The following FRY variants were observed in gnomAD, a reference collection of about 807,000 sequenced individuals.
The protein encoded by FRY is FRY microtubule binding protein.
A neutral mutation model predicts 348.4 loss-of-function variants in FRY; 128 were observed. That is an observed-to-expected ratio of 0.37 (90% CI 0.32 to 0.43). The LOEUF (loss-of-function observed/expected upper bound fraction) is 0.43. FRY is among the 20% of genes least tolerant of loss of function. FRY has a pLI of 1.00. For synonymous variants in FRY, 1,370 were observed against 1,374.7 expected (o/e 1.00, Z 0.08); for missense variants, 2,736 against 3,695.2 (o/e 0.74, Z 6.73).
chr13:32,239,874 T>C lies in FRY; in HGVS notation c.6680T>C (p.Leu2227Pro). Residue 2227 changes from leucine (L) to proline (P), a missense_variant, in exon 46 of 61, where the codon CTG becomes CCG. By Grantham distance (98) the Leu-to-Pro change is moderately conservative (BLOSUM62 -3). Coordinates refer to ENST00000542859, the MANE Select transcript of FRY (RefSeq NM_023037.3). The surrounding 1 kb of genome is among the most constrained non-coding windows in gnomAD (Gnocchi z 4.3). ...ADITLNMVTY[L>P]AELLEKGLPS... is the part of the protein sequence containing the mutation. ...ATTACCTTGAATATGGTTACCTACC[T>C]GGCAGAGGTAAGCTTTTTTTTTTTG... The C allele has an allele frequency of 1.2e-6, 2 of 1,613,596 alleles. No individual in the cohort carries two copies.
intron 42 of FRY, among the ~76,000 whole-genome samples, chr13:32,235,803 C>T (rs71436470): frequency 1.3e-5 from 2 of 152,150 alleles, no homozygotes; most frequent in African/African-American, 4.8e-5. Flanking sequence ...TGCCCACCCT[C>T]CCCTCAGCAG....
intron 55 of FRY, among the ~76,000 whole-genome samples, chr13:32,274,371 C>G (rs1188710433): frequency 2.0e-5 from 3 of 152,084 alleles, no homozygotes; most frequent in Non-Finnish European, 4.4e-5. Context: ...TATTTTAAAA[C>G]AACATGTTGT....
chr13:32,220,307 T>C (rs1477535012), intron 36 of FRY, among the ~76,000 whole-genome samples: 3 of 152,240 alleles, frequency 2.0e-5, no homozygotes, highest in Non-Finnish European at 2.9e-5. Flanking sequence ...GGCAGTTCTC[T>C]ACCATTAAAA....
chr13:32,171,012 GCTCT>G lies in FRY; in HGVS notation c.1896_1899del (p.Ser633PhefsTer41). 1 of 1,601,304 alleles carries G rather than the reference GCTCT, an allele frequency of 6.2e-7. No homozygotes were observed. The highest frequency in any genetic ancestry group is 1.3e-5 in the African/African-American group (1 of 74,716). Reference sequence around the variant, plus strand: ...TTATTTTCCTTTATTCGTTTCACAGGCTCTCTATTCATATGGATGATGAATTGCG... The same window carrying G: ...TTATTTTCCTTTATTCGTTTCACAGGCTATTCATATGGATGATGAATTGCG... On this transcript the variant is annotated frameshift_variant and splice_region_variant, in exon 18 of 61. Coordinates refer to ENST00000542859, the MANE Select transcript of FRY (RefSeq NM_023037.3). LOFTEE classifies it high-confidence loss of function.
chr13:32,106,899 G>T (rs1291672731), intron 3 of FRY, among the ~76,000 whole-genome samples: 1 of 152,102 alleles, frequency 6.6e-6, no homozygotes, highest in African/African-American at 2.4e-5. Context: ...CCCACTGTGG[G>T]TTTCTCCTCA....
intron 14 of FRY, among the ~76,000 whole-genome samples, chr13:32,151,516 G>A (rs866567094): frequency 3.3e-5 from 5 of 152,176 alleles, no homozygotes; most frequent in African/African-American, 9.7e-5. Flanking sequence ...ATTGTTTCTC[G>A]GGAAACAAGT....
chr13:32,048,392 A>T (rs1873141088), intron 1 of FRY, among the ~76,000 whole-genome samples: 1 of 152,220 alleles, frequency 6.6e-6, no homozygotes, highest in Non-Finnish European at 1.5e-5. Flanking sequence ...AACAAGCTAA[A>T]TTGTACCATT....
intron 39 of FRY, 46 bp from the exon 40 acceptor site, chr13:32,228,410 A>G (rs1445808713): frequency 1.4e-6 from 2 of 1,400,150 alleles, no homozygotes; most frequent in Admixed American, 1.7e-5. Context: ...CATGCTGACA[A>G]GCACACTGCC....
At chr13:32,100,432 A>C (rs1877078234) in intron 2 of FRY, among the ~76,000 whole-genome samples, 1 of 152,028 alleles carries the variant, frequency 6.6e-6, no homozygotes, top group African/African-American at 2.4e-5. Flanking sequence ...TTTTCAAATA[A>C]ATTTTACGGT....
chr13:32,124,439 G>T, intron 5 of FRY, 63 bp downstream of exon 5: 1 of 1,004,794 alleles, frequency 1.0e-6, no homozygotes, highest in Non-Finnish European at 1.5e-6. Flanking sequence ...TACTTAGGTT[G>T]TAAAAGTCTA....
chr13:32,149,524 G>T (rs1202635455), intron 13 of FRY, among the ~76,000 whole-genome samples: 1 of 151,920 alleles, frequency 6.6e-6, no homozygotes, highest in Non-Finnish European at 1.5e-5. Context: ...TACATATTTT[G>T]TATAATGAAG....
chr13:32,234,643 A>C lies in FRY; in HGVS notation c.5597A>C (p.Tyr1866Ser). 1.2e-6 allele frequency: 2 copies of C among 1,614,172 alleles called. No homozygotes were observed. Among genetic ancestry groups the C allele is most frequent in the East Asian group, 4.5e-5 (2 of 44,876 alleles). ...QTALASSSRHYAGRSFQIFRA... is the reference protein window; with the variant it reads ...QTALASSSRHSAGRSFQIFRA... ...GCCCTCGCAAGCTCTTCAAGGCACT[A>C]TGCTGGTCGGTCCTTCCAGATATTC... The change falls in exon 42 of 61, where the codon TAT (tyrosine) becomes TCT (serine). Residue 1866 changes from tyrosine to serine, a missense_variant. By Grantham distance (144) the Tyr-to-Ser change is moderately radical. Coordinates refer to ENST00000542859, the MANE Select transcript of FRY (RefSeq NM_023037.3).
intron 26 of FRY, among the ~76,000 whole-genome samples, chr13:32,185,904 C>T (rs888478010): frequency 1.3e-5 from 2 of 152,056 alleles, no homozygotes; most frequent in East Asian, 3.9e-4. Context: ...ATGCTATTTC[C>T]GAGTTCTCTT....
chr13:32,042,484 A>C (rs1006790448), intron 1 of FRY, among the ~76,000 whole-genome samples: 2 of 120,428 alleles, frequency 1.7e-5, no homozygotes, highest in African/African-American at 8.0e-5. Context: ...AGCTTGCCCA[A>C]CCCACAGCCT....
chr13:32,179,839 C>T, intron 23 of FRY, 40 bp downstream of exon 23: 2 of 1,589,544 alleles, frequency 1.3e-6, no homozygotes, highest in Admixed American at 1.7e-5. Context: ...TTCATACATG[C>T]TGCTGCTATT....
chr13:32,106,514 T>C (rs1877562115), intron 3 of FRY, among the ~76,000 whole-genome samples: 2 of 152,356 alleles, frequency 1.3e-5, no homozygotes, highest in African/African-American at 4.8e-5. Flanking sequence ...TTCTTATGTA[T>C]GGCTTACATT....
chr13:32,171,215 T>TCATC lies in FRY; in HGVS notation c.2099_2102dup (p.Gln701HisfsTer9). The TCATC allele has an allele frequency of 6.2e-7, 1 of 1,613,094 alleles. No individual in the cohort carries two copies. Among genetic ancestry groups the TCATC allele is most frequent in the Non-Finnish European group, 8.5e-7 (1 of 1,179,502 alleles). On this transcript the variant is annotated frameshift_variant, in exon 18 of 61. Coordinates refer to ENST00000542859, the MANE Select transcript of FRY (RefSeq NM_023037.3). LOFTEE classifies it high-confidence loss of function. ...CAGCTGCTCACCCAGTGGAAACTAG[T>TCATC]CATCCAGACACAAGGAAAAGTCTAT... is the stretch of plus-strand genomic sequence containing the variant.
intron 16 of FRY, among the ~76,000 whole-genome samples, chr13:32,157,858 C>G (rs1881205093): frequency 6.6e-6 from 1 of 152,146 alleles, no homozygotes; most frequent in African/African-American, 2.4e-5. Flanking sequence ...GTATTCAAAT[C>G]AAGTATTCTT....
At chr13:32,258,585 C>A (rs1887458893) in intron 51 of FRY, among the ~76,000 whole-genome samples, 1 of 150,684 alleles carries the variant, frequency 6.6e-6, no homozygotes, top group Non-Finnish European at 1.5e-5. Context: ...TGCACTCCAG[C>A]CTGGGTAACA....
Sources: gnomAD v4.1 joint callset for allele counts (sites outside exome capture counted in the v4.1 genomes callset) on GRCh38, gnomAD v4.1.1 for gene constraint, Gnocchi (gnomAD v3.1) non-coding constraint, MANE v1.5 for transcripts, NCBI Gene and HGNC (gene_info 2026-07-23, HGNC 2026-07-21) for gene names.